SAMD3: variants seen among roughly 807,000 people sequenced by gnomAD.
SAMD3 encodes the protein sterile alpha motif domain-containing protein 3.
Under a neutral mutation model 58.5 loss-of-function variants are expected in SAMD3, and 63 were observed. The ratio of observed to expected loss-of-function variants is 1.08; its 90% CI spans 0.88 to 1.33. The LOEUF (loss-of-function observed/expected upper bound fraction) is 1.33, where lower values mean the gene tolerates loss of function less well. SAMD3 is among the 40% of genes most tolerant of loss of function. The probability of loss-of-function intolerance (pLI) is 0.00; values close to 1 mark genes in which losing one functional copy is unlikely to be tolerated. For missense variants in SAMD3, 604 were observed against 608.4 expected, an observed-to-expected ratio of 0.99 and a Z score of 0.08; for synonymous variants, 220 against 210.3, an observed-to-expected ratio of 1.05 and a Z score of -0.40.
intron 1 of SAMD3, among the ~76,000 whole-genome samples, chr6:130,317,011 T>G (rs7740402): frequency 0.42 from 64,432 of 151,856 alleles, 15,257 homozygotes; most frequent in African/African-American, 0.64. Flanking sequence ...AGACTGCACA[T>G]CAGGCCTTCT....
chr6:130,213,694 T>C (rs922729130), intron 4 of SAMD3, among the ~76,000 whole-genome samples: 4 of 152,300 alleles, frequency 2.6e-5, no homozygotes, highest in Non-Finnish European at 4.4e-5. Flanking sequence ...ATCATTTCTT[T>C]TCATTGCAGA....
chr6:130,172,446 ATT>A (rs1791339625), intron 8 of SAMD3, among the ~76,000 whole-genome samples: 4 of 152,084 alleles, frequency 2.6e-5, no homozygotes, highest in Admixed American at 2.6e-4. Flanking sequence ...AGAGGATTTT[ATT>A]TCTCCTCCAC....
At chr6:130,220,250 T>A (rs1029869390) in intron 1 of SAMD3, among the ~76,000 whole-genome samples, 10 of 152,334 alleles carry the variant, frequency 6.6e-5, no homozygotes, top group Admixed American at 6.5e-4. Flanking sequence ...TCCACCTGCC[T>A]CGGCCCCCCA....
At chr6:130,145,845 T>G (rs1788571835) in intron 10 of SAMD3, among the ~76,000 whole-genome samples, 165 bp downstream of exon 10, 1 of 151,868 alleles carries the variant, frequency 6.6e-6, no homozygotes, top group Non-Finnish European at 1.5e-5. Flanking sequence ...ATATTGAAAA[T>G]TATTATTAAA....
chr6:130,318,204 C>A (rs1192728065), intron 1 of SAMD3, among the ~76,000 whole-genome samples: 1 of 152,142 alleles, frequency 6.6e-6, no homozygotes, highest in African/African-American at 2.4e-5. Flanking sequence ...GAGTAGAGTA[C>A]TCAGAAGAAT....
At chr6:130,251,611 A>G (rs1773740720) in intron 2 of SAMD3, among the ~76,000 whole-genome samples, 1 of 152,170 alleles carries the variant, frequency 6.6e-6, no homozygotes, top group African/African-American at 2.4e-5. Flanking sequence ...GGTCCAGCAC[A>G]ATTTGTTGAA....
chr6:130,155,334 T>C (rs1467817075), intron 8 of SAMD3, among the ~76,000 whole-genome samples: 1 of 152,268 alleles, frequency 6.6e-6, no homozygotes, highest in Non-Finnish European at 1.5e-5. Context: ...TGCTCATTTC[T>C]ATGCATTTCA....
At chr6:130,223,360 A>G (rs976788071), upstream of SAMD3, among the ~76,000 whole-genome samples, 8 of 152,228 alleles carry the variant, frequency 5.3e-5, no homozygotes, top group African/African-American at 1.7e-4. Flanking sequence ...GCTGAATGTA[A>G]TTCTCGTTAC....
At chr6:130,143,955 A>G (rs1788396517), downstream of SAMD3, 2 of 153,166 alleles carry the variant, frequency 1.3e-5, no homozygotes, top group Non-Finnish European at 1.5e-5. Context: ...TGTACCAGCA[A>G]GATCAGCCAG....
At chr6:130,185,079 T>G (rs1792807061) in intron 5 of SAMD3, among the ~76,000 whole-genome samples, 1 of 152,194 alleles carries the variant, frequency 6.6e-6, no homozygotes, top group Admixed American at 6.5e-5. Flanking sequence ...AAATACAAGA[T>G]CCACCTAATT....
chr6:130,360,188 C>G (rs1777942941), intron 1 of SAMD3, among the ~76,000 whole-genome samples: 1 of 152,212 alleles, frequency 6.6e-6, no homozygotes, highest in Non-Finnish European at 1.5e-5. Flanking sequence ...AGTGTCAAAA[C>G]TCATTAAATG....
chr6:130,312,393 T>A (rs370900919), intron 2 of SAMD3, among the ~76,000 whole-genome samples: 3 of 152,230 alleles, frequency 2.0e-5, no homozygotes, highest in Admixed American at 6.5e-5. Context: ...TTGCTCACCG[T>A]ACCGTTACAC....
intron 8 of SAMD3, among the ~76,000 whole-genome samples, chr6:130,163,076 C>T (rs2114620352): frequency 6.6e-6 from 1 of 152,154 alleles, no homozygotes; most frequent in South Asian, 2.1e-4. Context: ...CTGAACCTGG[C>T]TTTTCTTTTT....
chr6:130,323,036 T>A (rs953970547), intron 1 of SAMD3, among the ~76,000 whole-genome samples: 1 of 152,164 alleles, frequency 6.6e-6, no homozygotes, highest in African/African-American at 2.4e-5. Flanking sequence ...CATTGACATA[T>A]AAAATAAAAC....
chr6:130,253,421 T>C (rs1313672062), intron 2 of SAMD3, among the ~76,000 whole-genome samples: 2 of 152,188 alleles, frequency 1.3e-5, no homozygotes, highest in Non-Finnish European at 2.9e-5. Context: ...CTTACATTTA[T>C]TGATATGATA....
rs528486084 is a variant in SAMD3 at position 130,317,742 on chromosome 6, C to T, written c.-303-4649G>A. Among the ~76,000 whole-genome samples, 4 of 152,284 alleles carry T rather than the reference C, an allele frequency of 2.6e-5. No homozygotes were observed. In the East Asian group the frequency reaches 7.7e-4, roughly 29 times the overall value. ...AACTGGAAAAAAATATACAAAACAG[C>T]AGTTCTCAAGACATTGTGTGCCGGC... On this transcript the variant is annotated intron_variant, in intron 1 of 13. Transcript: ENST00000368134.
intron 2 of SAMD3, among the ~76,000 whole-genome samples, chr6:130,300,842 T>TG (rs1424138524): frequency 2.0e-5 from 3 of 152,100 alleles, no homozygotes; most frequent in East Asian, 3.9e-4. Context: ...TTATTATACT[T>TG]TAAGTTCTAG....
chr6:130,257,215 AAAG>A (rs61196062), intron 2 of SAMD3, among the ~76,000 whole-genome samples: 67,538 of 151,624 alleles, frequency 0.45, 17,008 homozygotes, highest in African/African-American at 0.69. Context: ...TGCAAGACAG[AAAG>A]AAGGCCCTCA....
intron 2 of SAMD3, among the ~76,000 whole-genome samples, chr6:130,240,106 C>T (rs1391637407): frequency 1.3e-5 from 2 of 152,188 alleles, no homozygotes; most frequent in Admixed American, 6.5e-5. Context: ...CAGCACAGCG[C>T]CTGGTATTAT....
Sources: allele counts gnomAD v4.1 joint callset (sites outside exome capture counted in the v4.1 genomes callset), GRCh38; gene constraint gnomAD v4.1.1; transcripts MANE v1.5; gene names NCBI Gene and HGNC (gene_info 2026-07-23, HGNC 2026-07-21).